The following ATXN1 variants were observed in gnomAD, a reference collection of about 807,000 sequenced individuals.
ATXN1 encodes ataxin-1.
A neutral mutation model predicts 56.4 loss-of-function variants in ATXN1; 8 were observed. The observed-to-expected ratio is 0.14, with a 90% CI of 0.08 to 0.26. ATXN1 has a LOEUF of 0.26. ATXN1 is among the 10% of genes least tolerant of loss of function. The pLI, the probability that ATXN1 is intolerant of heterozygous loss-of-function variation, is 1.00. For synonymous variants in ATXN1, 514 were observed against 494.6 expected, an observed-to-expected ratio of 1.04 and a Z score of -0.52; for missense variants, 987 against 1,106.5, an observed-to-expected ratio of 0.89 and a Z score of 1.53.
At chr6:16,456,624 G>A (rs1255486544) in intron 6 of ATXN1, among the ~76,000 whole-genome samples, 1 of 152,174 alleles carries the variant, frequency 6.6e-6, no homozygotes, top group Non-Finnish European at 1.5e-5. Context: ...GCCCAAACAA[G>A]ACTCACCCAT....
chr6:16,650,457 T>C (rs1339750228), intron 3 of ATXN1, among the ~76,000 whole-genome samples: 1 of 152,252 alleles, frequency 6.6e-6, no homozygotes, highest in Admixed American at 6.5e-5. Flanking sequence ...TGCCCTAATA[T>C]TAAAAATACC....
At chr6:16,738,407 T>C (rs995066035) in intron 2 of ATXN1, 1 of 152,132 alleles carries the variant, frequency 6.6e-6, no homozygotes, top group African/African-American at 2.4e-5. Context: ...ATTATGGAAT[T>C]TCAACAATTG....
intron 5 of ATXN1, among the ~76,000 whole-genome samples, chr6:16,512,926 G>A (rs967775016): frequency 2.6e-5 from 4 of 152,182 alleles, no homozygotes; most frequent in Admixed American, 6.5e-5. Flanking sequence ...TTGCACTCAC[G>A]TTTCTCTTTT....
Position 16,362,252 on chromosome 6 carries a change from T to C in ATXN1, c.-160-33782A>G, listed in dbSNP as rs2237221. The stretch of plus-strand genomic sequence containing the variant: ...TCTTGATCTGACTGGACGGATGGCT[T>C]TGGAGACCAGGCTCTGAAGAGATGC... On this transcript the variant is annotated intron_variant, in intron 6 of 7. Transcript: ENST00000436367. Among the ~76,000 whole-genome samples, 2,066 of 152,286 alleles carry C rather than the reference T, an allele frequency of 0.014. 176 individuals are homozygous for C. In the East Asian group the frequency reaches 0.25, roughly 18 times the overall value.
At chr6:16,601,504 C>T (rs1762910326) in intron 3 of ATXN1, among the ~76,000 whole-genome samples, 2 of 152,112 alleles carry the variant, frequency 1.3e-5, no homozygotes, top group South Asian at 4.1e-4. Context: ...CATCTATTTT[C>T]TATTCTGACT....
At chr6:16,732,670 G>T (rs913892542) in intron 2 of ATXN1, among the ~76,000 whole-genome samples, 1 of 152,178 alleles carries the variant, frequency 6.6e-6, no homozygotes, top group Non-Finnish European at 1.5e-5. Flanking sequence ...GGTGCACACT[G>T]TATTTACACA....
intron 5 of ATXN1, among the ~76,000 whole-genome samples, chr6:16,491,338 G>A (rs1760660394): frequency 1.3e-5 from 2 of 148,644 alleles, no homozygotes; most frequent in South Asian, 2.1e-4. Flanking sequence ...AGGCTGGAGT[G>A]CAATGGCGCA....
intron 6 of ATXN1, among the ~76,000 whole-genome samples, chr6:16,456,510 G>T (rs563258058): frequency 2.0e-5 from 3 of 152,136 alleles, no homozygotes; most frequent in Admixed American, 6.5e-5. Flanking sequence ...CTGCACTTCC[G>T]GGCTAAGCCT....
At chr6:16,507,093 A>G (rs1760993397) in intron 5 of ATXN1, among the ~76,000 whole-genome samples, 1 of 152,240 alleles carries the variant, frequency 6.6e-6, no homozygotes, top group African/African-American at 2.4e-5. Flanking sequence ...GCCTTAGAAT[A>G]TGATGGATTT....
chr6:16,628,993 G>A (rs1367521858), intron 3 of ATXN1, among the ~76,000 whole-genome samples: 1 of 152,112 alleles, frequency 6.6e-6, no homozygotes, highest in East Asian at 1.9e-4. Flanking sequence ...CCCAGTAATG[G>A]GATTGCTGGG....
At chr6:16,400,425 GTGGCCATGGCCAGACCACA>G (rs1240896366) in intron 6 of ATXN1, among the ~76,000 whole-genome samples, 4 of 152,112 alleles carry the variant, frequency 2.6e-5, no homozygotes, top group Non-Finnish European at 4.4e-5. Flanking sequence ...TTCTGACCAC[GTGGCCATGGCCAGACCACA>G]TGGCCATTGG....
chr6:16,330,608 T>C (rs746300163), intron 6 of ATXN1, among the ~76,000 whole-genome samples: 1 of 152,024 alleles, frequency 6.6e-6, no homozygotes, highest in Admixed American at 6.5e-5. Flanking sequence ...CAGGCTGGTC[T>C]TGAACAGGCC....
intron 6 of ATXN1, among the ~76,000 whole-genome samples, chr6:16,381,202 T>C (rs1337700730): frequency 6.6e-6 from 1 of 151,798 alleles, no homozygotes; most frequent in East Asian, 1.9e-4. Flanking sequence ...GAGGAGAATC[T>C]CTTGAACCTG....
chr6:16,556,363 C>T (rs1762014070), intron 4 of ATXN1, among the ~76,000 whole-genome samples: 1 of 152,184 alleles, frequency 6.6e-6, no homozygotes, highest in African/African-American at 2.4e-5. Flanking sequence ...GCCTTTACTA[C>T]ATATTCCTAT....
chr6:16,428,120 T>TC (rs1759196169), intron 6 of ATXN1, among the ~76,000 whole-genome samples: 1 of 149,074 alleles, frequency 6.7e-6, no homozygotes. Flanking sequence ...GACCAGGCCT[T>TC]TTTTTTTTTT....
intron 6 of ATXN1, among the ~76,000 whole-genome samples, chr6:16,479,689 G>A (rs1010006442): frequency 3.3e-5 from 5 of 152,052 alleles, no homozygotes; most frequent in African/African-American, 1.2e-4. Flanking sequence ...CTTCTTTATT[G>A]TGGATTCTTG....
intron 6 of ATXN1, among the ~76,000 whole-genome samples, chr6:16,377,255 C>A (rs1762158417): frequency 5.3e-5 from 8 of 152,220 alleles, no homozygotes; most frequent in Admixed American, 5.2e-4. Flanking sequence ...TTTTGCTTAG[C>A]AGTCCAAATG....
chr6:16,417,989 T>C (rs574942848), intron 6 of ATXN1, among the ~76,000 whole-genome samples: 1 of 152,110 alleles, frequency 6.6e-6, no homozygotes, highest in African/African-American at 2.4e-5. Context: ...TTAAAAACTA[T>C]GAGAAGGAAT....
chr6:16,346,077 ATTTAT>A (rs955301658), intron 6 of ATXN1, among the ~76,000 whole-genome samples: 4 of 152,032 alleles, frequency 2.6e-5, no homozygotes, highest in Non-Finnish European at 5.9e-5. Flanking sequence ...TTATTTATTT[ATTTAT>A]TTTGAGACAG....
Sources: allele counts gnomAD v4.1 joint callset (sites outside exome capture counted in the v4.1 genomes callset), GRCh38; gene constraint gnomAD v4.1.1; transcripts MANE v1.5; gene names NCBI Gene and HGNC (gene_info 2026-07-23, HGNC 2026-07-21).